Variants in SBNO2 observed in about 807,000 individuals in gnomAD.
The protein encoded by SBNO2 is protein strawberry notch homolog 2.
A neutral mutation model predicts 146.3 loss-of-function variants in SBNO2; 89 were observed. The observed-to-expected ratio is 0.61, with a 90% CI of 0.51 to 0.73. The LOEUF (loss-of-function observed/expected upper bound fraction) is 0.73. Among genes scored for constraint, SBNO2 ranks in the 30% least tolerant of loss-of-function variants. The probability of loss-of-function intolerance (pLI) is 0.00; values close to 1 mark genes in which losing one functional copy is unlikely to be tolerated. For synonymous variants in SBNO2, 1,147 were observed against 892.6 expected, an observed-to-expected ratio of 1.29 and a Z score of -5.08; for missense variants, 2,092 against 2,003.7, an observed-to-expected ratio of 1.04 and a Z score of -0.84.
At chr19:1,154,079 G>A (rs1233390068) in intron 2 of SBNO2, 105 bp downstream of exon 2, 15 of 496,956 alleles carry the variant, frequency 3.0e-5, no homozygotes, top group Admixed American at 4.4e-5. Context: ...AGATCACGCC[G>A]CGTCCACTGG....
chr19:1,145,583 G>C (rs557832168), intron 4 of SBNO2, among the ~76,000 whole-genome samples: 1 of 152,152 alleles, frequency 6.6e-6, no homozygotes, highest in South Asian at 2.1e-4. Context: ...GGCTGACCCA[G>C]GGCTGGGGCT....
intron 16 of SBNO2, 103 bp from the exon 17 acceptor site, chr19:1,116,206 G>T: frequency 9.6e-7 from 1 of 1,037,850 alleles, no homozygotes; most frequent in Non-Finnish European, 1.4e-6. Context: ...GGGGGTCCCG[G>T]ACAGGACCGG....
In SBNO2 at chr19:1,147,432, T is replaced by G. The variant is rs56808651; in HGVS notation, c.168-12A>C. On this transcript the variant is annotated splice_polypyrimidine_tract_variant and intron_variant, in intron 3 of 31. Transcript: ENST00000361757. ...AGCTCATGAACGGGCTGGAGGGAGA[T>G]GGGGGGGGGGGAGGTGAGATGGGGT... 22,888 of 658,612 alleles carry G rather than the reference T, an allele frequency of 0.035. 799 individuals are homozygous for G. Among genetic ancestry groups the G allele is most frequent in the East Asian group, 0.098 (2,757 of 28,210 alleles). 40.8% of individuals were successfully genotyped at this position (658,612 alleles called of 1,614,324 possible). A position where few individuals can be genotyped will look rare whatever the true frequency, so the allele number is the denominator to read the frequency against.
chr19:1,141,291 T>C (rs2080135169), intron 4 of SBNO2, among the ~76,000 whole-genome samples: 1 of 152,036 alleles, frequency 6.6e-6, no homozygotes, highest in African/African-American at 2.4e-5. Context: ...CTCGGCTCCC[T>C]GCAACCTCTG....
chr19:1,156,515 C>T (rs980036658), intron 1 of SBNO2, among the ~76,000 whole-genome samples: 1 of 152,160 alleles, frequency 6.6e-6, no homozygotes, highest in African/African-American at 2.4e-5. Context: ...CACCACACCA[C>T]CGAGCAATTC....
At chr19:1,167,620 G>T (rs564334344) in intron 1 of SBNO2, among the ~76,000 whole-genome samples, 9 of 152,186 alleles carry the variant, frequency 5.9e-5, no homozygotes, top group Non-Finnish European at 2.9e-5. Flanking sequence ...AGGGTCCCAC[G>T]CATGAGGACA....
chr19:1,121,802 AT>A (rs1383464891), intron 11 of SBNO2, among the ~76,000 whole-genome samples: 5 of 152,162 alleles, frequency 3.3e-5, no homozygotes, highest in African/African-American at 1.2e-4. Context: ...ATGGTCACTC[AT>A]CCCACTTATC....
intron 1 of SBNO2, among the ~76,000 whole-genome samples, chr19:1,166,902 G>C (rs1308825303): frequency 6.6e-6 from 1 of 152,160 alleles, no homozygotes; most frequent in Non-Finnish European, 1.5e-5. Flanking sequence ...TCCCCACCTG[G>C]CTCCTTGGGG....
chr19:1,170,144 C>G (rs149488973), intron 1 of SBNO2, among the ~76,000 whole-genome samples: 1 of 152,334 alleles, frequency 6.6e-6, no homozygotes, highest in African/African-American at 2.4e-5. Flanking sequence ...GACGACAGAT[C>G]TAATCTCCGC....
intron 1 of SBNO2, among the ~76,000 whole-genome samples, chr19:1,164,645 GAACAGGAGGAGGAGGAGGAGGAAC>G (rs2080388879): frequency 1.0e-5 from 1 of 95,436 alleles, no homozygotes. Flanking sequence ...GGAGGAGGAG[GAACAGGAGGAGGAGGAGGAGGAAC>G]AGGAGGAGGA....
At chr19:1,139,749 C>G (rs758716556) in intron 4 of SBNO2, among the ~76,000 whole-genome samples, 1 of 151,508 alleles carries the variant, frequency 6.6e-6, no homozygotes, top group East Asian at 2.0e-4. Context: ...GAGCTGAGAT[C>G]GTGCCATTGC....
Position 1,109,724 on chromosome 19 carries a change from C to G in SBNO2, c.3082G>C (p.Ala1028Pro). The part of the protein sequence containing the change: ...IYEESQQVFL[A>P]PGHPQDGQVV... ...TGCCCGTCCTGCGGGTGCCCGGGAG[C>G]CAGGAACACCTGCTGGCTCTCCTCG... The change falls in exon 27 of 32, where the codon GCT becomes CCT. Residue 1028 changes from alanine to proline, a missense_variant. Coordinates refer to ENST00000361757, the MANE Select transcript of SBNO2 (RefSeq NM_014963.3). The surrounding 1 kb of genome is among the most constrained non-coding windows in gnomAD (Gnocchi z 4.2). 6.2e-7 allele frequency: 1 copy of G among 1,607,278 alleles called. No individual in the cohort carries two copies. Among genetic ancestry groups the G allele is most frequent in the Non-Finnish European group, 8.5e-7 (1 of 1,176,198 alleles).
In SBNO2 at chr19:1,158,763, G is replaced by T. The variant is rs1334866542; in HGVS notation, c.-126-4361C>A. ...CGCTCCCTGCGTCCCAGGACCTGAAGATGGCAAGGAGCAGGCCCCCGGGTG... is the reference window on the plus strand; with the variant it reads ...CGCTCCCTGCGTCCCAGGACCTGAATATGGCAAGGAGCAGGCCCCCGGGTG... On this transcript the variant is annotated intron_variant, in intron 1 of 31. Transcript: ENST00000361757. The surrounding 1 kb of genome is among the most constrained non-coding windows in gnomAD (Gnocchi z 9.9). Among the ~76,000 whole-genome samples, 2 of 152,194 alleles carry T rather than the reference G, an allele frequency of 1.3e-5. No individual in the cohort carries two copies. The highest frequency in any genetic ancestry group is 1.3e-4 in the Admixed American group (2 of 15,286).
chr19:1,122,845 C>T (rs975060846), intron 8 of SBNO2, 49 bp downstream of exon 8: 6 of 1,537,590 alleles, frequency 3.9e-6, no homozygotes, highest in Non-Finnish European at 5.2e-6. Context: ...GGCCCCTCCC[C>T]AGGGGCCTCG....
intron 1 of SBNO2, among the ~76,000 whole-genome samples, chr19:1,155,431 G>A (rs1339907172): frequency 2.0e-5 from 3 of 152,202 alleles, no homozygotes; most frequent in Admixed American, 6.5e-5. Context: ...CGCGGCCTCT[G>A]CCTGCTCCCT....
intron 23 of SBNO2, among the ~76,000 whole-genome samples, 168 bp from the exon 24 acceptor site, chr19:1,111,782 C>G (rs1039969044): frequency 6.7e-6 from 1 of 150,128 alleles, no homozygotes; most frequent in Non-Finnish European, 1.5e-5. Context: ...CCCGGGGGTC[C>G]TAGACTGGGT....
intron 6 of SBNO2, 68 bp from the exon 7 acceptor site, chr19:1,123,707 G>A: frequency 9.6e-6 from 14 of 1,452,878 alleles, no homozygotes; most frequent in Non-Finnish European, 1.3e-5. Context: ...GGCTCCCCCA[G>A]GGGCAGGGGC....
rs769668482 is a variant in SBNO2, at chr19:1,114,450, G to C, written c.1886-28C>G. ...GCAGGGAAGGACAGGGTCACCGAGG[G>C]CCAGACCGCAGCAAGGTGGAGGAGC... On this transcript the variant is annotated intron_variant, in intron 17 of 31. Coordinates refer to ENST00000361757, the MANE Select transcript of SBNO2 (RefSeq NM_014963.3). 5.4e-6 allele frequency: 8 copies of C among 1,485,714 alleles called. No homozygotes were observed. In the African/African-American group the frequency reaches 5.6e-5, roughly 10 times the overall value. 92.0% of individuals were successfully genotyped at this position (1,485,714 alleles called of 1,614,324 possible).
intron 4 of SBNO2, among the ~76,000 whole-genome samples, chr19:1,133,040 C>A (rs568288460): frequency 3.3e-5 from 5 of 152,326 alleles, no homozygotes; most frequent in East Asian, 3.9e-4. Context: ...GGGGCCTAGA[C>A]ACCGCGGGGC....
Sources: allele counts gnomAD v4.1 joint callset (sites outside exome capture counted in the v4.1 genomes callset), GRCh38; gene constraint gnomAD v4.1.1; non-coding constraint Gnocchi (gnomAD v3.1); transcripts MANE v1.5; gene names NCBI Gene and HGNC (gene_info 2026-07-23, HGNC 2026-07-21).